Variants in ABCA3 observed in about 807,000 individuals in gnomAD.
ABCA3 encodes ATP binding cassette subfamily A member 3, also known as phospholipid-transporting ATPase ABCA3.
In ABCA3, 88 loss-of-function variants were observed where a neutral mutation model predicts 172.8. That is an observed-to-expected ratio of 0.51 (90% CI 0.43 to 0.61). The LOEUF (loss-of-function observed/expected upper bound fraction) is 0.61, where lower values mean the gene tolerates loss of function less well. ABCA3 is among the 20% of genes least tolerant of loss of function. ABCA3 has a pLI of 0.00. For missense variants in ABCA3, 2,164 were observed against 2,301.0 expected, an observed-to-expected ratio of 0.94 and a Z score of 1.22; for synonymous variants, 1,066 against 983.8, an observed-to-expected ratio of 1.08 and a Z score of -1.56.
At position 2,281,588 on chromosome 16, in the gene ABCA3, G is replaced by GGGCGC; in HGVS notation, c.4036-80_4036-79insGCGCC. On this transcript the variant is annotated intron_variant, in intron 26 of 32. Coordinates refer to ENST00000301732, the MANE Select transcript of ABCA3 (RefSeq NM_001089.3). This position sits in a 1 kb window ranked among gnomAD's most constrained non-coding sequence, Gnocchi z 4.7. ...CGTGGAGAAGGGAGGGGCGGGGGTG[G>GGGCGC]ATGTGGGAGGTCTGGTGGGACTAAG... 3.9e-6 allele frequency: 2 copies of GGGCGC among 517,014 alleles called. No homozygotes were observed. Among genetic ancestry groups the GGGCGC allele is most frequent in the Non-Finnish European group, 7.7e-6 (2 of 260,092 alleles). 32.0% of individuals were successfully genotyped at this position (517,014 alleles called of 1,614,324 possible).
intron 13 of ABCA3, 53 bp downstream of exon 13, chr16:2,299,952 C>G: frequency 6.2e-7 from 1 of 1,607,182 alleles, no homozygotes. Context: ...GCTGGTAAGT[C>G]TTCCCATGGT....
At chr16:2,329,272 T>C (rs2093739377) in intron 2 of ABCA3, among the ~76,000 whole-genome samples, 1 of 152,164 alleles carries the variant, frequency 6.6e-6, no homozygotes, top group South Asian at 2.1e-4. Flanking sequence ...TGATGATGAA[T>C]AAAACAGCAG....
In ABCA3 at chr16:2,281,762, A is replaced by G. The variant is rs1370815487; in HGVS notation, c.4036-253T>C. Among the ~76,000 whole-genome samples, 1 of 152,182 alleles carries G rather than the reference A, an allele frequency of 6.6e-6. No homozygotes were observed. The highest frequency in any genetic ancestry group is 1.5e-5 in the Non-Finnish European group (1 of 68,030). On this transcript the variant is annotated intron_variant, in intron 26 of 32. Coordinates refer to ENST00000301732, the MANE Select transcript of ABCA3 (RefSeq NM_001089.3). This position sits in a 1 kb window ranked among gnomAD's most constrained non-coding sequence, Gnocchi z 4.7. ...AGAACTGTGCGGGACTCATGGAGAA[A>G]AATCATAAATCTGCTGGGGAATATA...
At position 2,281,331 on chromosome 16, in the gene ABCA3, G is replaced by C. The variant is rs757835350; in HGVS notation, c.4164+50C>G. 1.2e-6 allele frequency: 2 copies of C among 1,613,368 alleles called. No individual in the cohort carries two copies. Among genetic ancestry groups the C allele is most frequent in the South Asian group, 1.1e-5 (1 of 91,086 alleles). On this transcript the variant is annotated intron_variant, in intron 27 of 32. Coordinates refer to ENST00000301732, the MANE Select transcript of ABCA3 (RefSeq NM_001089.3). The surrounding 1 kb of genome is among the most constrained non-coding windows in gnomAD (Gnocchi z 4.7). ...GGGATGGGGTCGGACCCTGGGGACA[G>C]CCAGGTAGTCAGCTGGCAGGAAGGA... is the stretch of plus-strand genomic sequence containing the variant.
chr16:2,324,258 G>T, intron 6 of ABCA3, 146 bp downstream of exon 6: 2 of 1,227,734 alleles, frequency 1.6e-6, no homozygotes, highest in Non-Finnish European at 2.3e-6. Context: ...GATATTATCA[G>T]ACCCAAAGGA....
At position 2,332,542 on chromosome 16, in the gene ABCA3, C is replaced by T. The variant is rs562996733; in HGVS notation, c.-538-2688G>A. The T allele has an allele frequency of 3.8e-5, 40 of 1,063,176 alleles. No individual in the cohort carries two copies. In the East Asian group the frequency reaches 5.5e-4, roughly 15 times the overall value. The allele number at this position is 1,063,176 out of a possible 1,614,324, so 65.9% of individuals were successfully genotyped here. On this transcript the variant is annotated intron_variant, in intron 1 of 32. Transcript: ENST00000301732. ...GGCCACATGACCACCACCCTCCACA[C>T]GGACACGAATGTCCACACCAGCAAA...
Position 2,297,627 on chromosome 16 carries a change from G to A in ABCA3, c.2053-88C>T, listed in dbSNP as rs1192204995. On this transcript the variant is annotated intron_variant, in intron 16 of 32. Transcript: ENST00000301732. The surrounding 1 kb of genome is among the most constrained non-coding windows in gnomAD (Gnocchi z 5.6). ...TGCGGTAGGCCCCATCGAGGGGTTCGCGGAGCCGGCTTGAGTCCTCCAAGG... is the reference window on the plus strand; with the variant it reads ...TGCGGTAGGCCCCATCGAGGGGTTCACGGAGCCGGCTTGAGTCCTCCAAGG... The A allele has an allele frequency of 1.9e-6, 3 of 1,589,148 alleles. No individual in the cohort carries two copies. The highest frequency in any genetic ancestry group is 3.4e-5 in the Admixed American group (2 of 58,734).
rs2093668584 is a variant in ABCA3, at chr16:2,289,514, G to A, written c.2620C>T (p.Leu874Phe). ...RASDWAVDSN[L>F]CGAMDPSDGI... ...TCGGAGGGGTCCATGGCCCCACAGA[G>A]GTTGCTGTCCACAGCCCAGTCGCTG... The change falls in exon 20 of 33, where the codon CTC becomes TTC. Residue 874 changes from leucine (L) to phenylalanine (F), a missense_variant. By Grantham distance (22) the Leu-to-Phe change is conservative (BLOSUM62 0). Transcript: ENST00000301732. 1.3e-6 allele frequency: 2 copies of A among 1,589,368 alleles called. No homozygotes were observed. The highest frequency in any genetic ancestry group is 1.8e-5 in the Admixed American group (1 of 55,810).
chr16:2,322,803 T>C (rs1257096144), intron 7 of ABCA3, among the ~76,000 whole-genome samples: 3 of 151,726 alleles, frequency 2.0e-5, no homozygotes, highest in Admixed American at 6.6e-5. Flanking sequence ...AATTGACAAA[T>C]GGGATCTAAT....
In ABCA3 at chr16:2,297,705, G is replaced by T; in HGVS notation, c.2052+61C>A. On this transcript the variant is annotated intron_variant, in intron 16 of 32. Coordinates refer to ENST00000301732, the MANE Select transcript of ABCA3 (RefSeq NM_001089.3). This position sits in a 1 kb window ranked among gnomAD's most constrained non-coding sequence, Gnocchi z 5.6. ...AGGGCCAAGGTGCCCGGGCCATGGC[G>T]GAAGGGCCATCCCAGGTCGAGCAGG... 1 of 1,601,970 alleles carries T rather than the reference G, an allele frequency of 6.2e-7. No individual in the cohort carries two copies. The highest frequency in any genetic ancestry group is 8.5e-7 in the Non-Finnish European group (1 of 1,179,430).
In ABCA3 at chr16:2,317,383, C is replaced by T. The variant is rs898276615; in HGVS notation, c.1011G>A (p.Val337=). The T allele has an allele frequency of 6.2e-6, 10 of 1,613,774 alleles. No homozygotes were observed. In the Middle Eastern group the frequency reaches 8.2e-4, roughly 133 times the overall value. The part of the protein sequence containing the change: ...FCVKVKPNVA[V]LSRSDPSLVL... ...CCAGGGAGGGGTCGCTGCGGGACAG[C>T]ACGGCTACATTTGGCTTCACCTGCA... Residue 337 remains valine, a synonymous_variant, in exon 10 of 33, where the codon GTG becomes GTA. Transcript: ENST00000301732.
chr16:2,284,738 T>C lies in ABCA3; in HGVS notation c.3703+41A>G. 2 of 1,590,782 alleles carry C rather than the reference T, an allele frequency of 1.3e-6. No individual in the cohort carries two copies. The highest frequency in any genetic ancestry group is 1.7e-6 in the Non-Finnish European group (2 of 1,168,010). On this transcript the variant is annotated intron_variant, in intron 24 of 32. Coordinates refer to ENST00000301732, the MANE Select transcript of ABCA3 (RefSeq NM_001089.3). This position sits in a 1 kb window ranked among gnomAD's most constrained non-coding sequence, Gnocchi z 5.9. ...TCCCTGTCTGGGCGGAGTGGCTCCG[T>C]GGATGGCCATGGGGGCTGCGGGTGG...
chr16:2,299,612 G>A (rs1015079952), intron 13 of ABCA3, 80 bp from the exon 14 acceptor site: 69 of 1,595,980 alleles, frequency 4.3e-5, no homozygotes, highest in Admixed American at 2.2e-4. Context: ...TCCCCTGCCC[G>A]ACCGTCTCAG....
At chr16:2,290,760 C>T (rs1015754167) in intron 19 of ABCA3, among the ~76,000 whole-genome samples, 1 of 152,210 alleles carries the variant, frequency 6.6e-6, no homozygotes, top group Non-Finnish European at 1.5e-5. Flanking sequence ...CACATGGTCC[C>T]CTGCACAGGT....
At chr16:2,289,051 G>A (rs2093667685) in intron 20 of ABCA3, 1 of 218,182 alleles carries the variant, frequency 4.6e-6, no homozygotes, top group African/African-American at 2.3e-5. Flanking sequence ...GGCTGACCAG[G>A]GATCAGAATG....
chr16:2,324,984 G>A (rs55927933), intron 5 of ABCA3, among the ~76,000 whole-genome samples: 5 of 152,230 alleles, frequency 3.3e-5, no homozygotes, highest in South Asian at 4.1e-4. Context: ...TTTTACTGTC[G>A]TCATTTTGTG....
At chr16:2,318,096 G>C (rs1462886532) in intron 8 of ABCA3, among the ~76,000 whole-genome samples, 1 of 152,248 alleles carries the variant, frequency 6.6e-6, no homozygotes, top group Admixed American at 6.5e-5. Context: ...GGCGGCAGGA[G>C]CCCAGCCCTT....
Position 2,276,705 on chromosome 16 carries a change from A to G in ABCA3, c.5084T>C (p.Leu1695Pro), listed in dbSNP as rs1330830402. The G allele has an allele frequency of 1.9e-6, 3 of 1,613,710 alleles. No homozygotes were observed. The South Asian group carries it at 3.3e-5, about 18-fold the overall frequency. Residue 1695 changes from leucine (L) to proline (P), a missense_variant, in exon 33 of 33, where the codon CTG (leucine) becomes CCG (proline). By Grantham distance (98) the Leu-to-Pro change is moderately conservative (BLOSUM62 -3). This residue lies in a region of ABCA3 where 795 missense variants were observed against 881.9 expected (regional missense o/e 0.90). Coordinates refer to ENST00000301732, the MANE Select transcript of ABCA3 (RefSeq NM_001089.3). ...LEQVFLSFAHLQPPTAEEGR is the reference protein window; with the variant it reads ...LEQVFLSFAHPQPPTAEEGR ...CCCCTCCTCTGCGGTGGGCGGCTGC[A>G]GGTGGGCGAAGCTCAGGAAGACCTG... is the stretch of plus-strand genomic sequence containing the variant.
chr16:2,301,713 G>GAA (rs79100686), intron 12 of ABCA3, among the ~76,000 whole-genome samples: 4 of 104,816 alleles, frequency 3.8e-5, no homozygotes, highest in East Asian at 2.8e-4. Flanking sequence ...CCGAATCAAA[G>GAA]AAAAAAAAAA....
Sources: gnomAD v4.1 joint callset for allele counts (sites outside exome capture counted in the v4.1 genomes callset) on GRCh38, gnomAD v4.1.1 for gene constraint, gnomAD v4.1.1 regional missense constraint, Gnocchi (gnomAD v3.1) non-coding constraint, MANE v1.5 for transcripts, NCBI Gene and HGNC (gene_info 2026-07-23, HGNC 2026-07-21) for gene names.